SNTG2: variants seen among roughly 807,000 people sequenced by gnomAD.
SNTG2 encodes the protein syntrophin gamma 2.
In SNTG2, 74 loss-of-function variants were observed where a neutral mutation model predicts 70.9. The ratio of observed to expected loss-of-function variants is 1.04; its 90% CI spans 0.86 to 1.27. SNTG2 has a LOEUF of 1.27. Among genes scored for constraint, SNTG2 ranks in the 50% most tolerant of loss-of-function variants. The pLI is 0.00. For missense variants in SNTG2, 717 were observed against 690.7 expected (o/e 1.04, Z -0.43); for synonymous variants, 278 against 273.8 (o/e 1.02, Z -0.15).
At chr2:1,224,570 T>C (rs1572791256) in intron 9 of SNTG2, among the ~76,000 whole-genome samples, 2 of 152,280 alleles carry the variant, frequency 1.3e-5, no homozygotes, top group South Asian at 2.1e-4. Context: ...TCCCAAGGCC[T>C]CTCTGATGCC....
chr2:981,743 T>C (rs545367769), intron 1 of SNTG2, among the ~76,000 whole-genome samples: 3 of 152,310 alleles, frequency 2.0e-5, no homozygotes, highest in Admixed American at 1.3e-4. Context: ...CATTAATGCA[T>C]GTCCCTACAT....
chr2:1,106,545 T>A (rs1666167699), intron 4 of SNTG2, among the ~76,000 whole-genome samples: 1 of 134,948 alleles, frequency 7.4e-6, no homozygotes. Context: ...AGTGGACACG[T>A]GCTGTCACTC....
intron 1 of SNTG2, among the ~76,000 whole-genome samples, chr2:1,031,528 A>ATATATATATATATATATATATATATTTT: frequency 3.6e-4 from 21 of 59,096 alleles, no homozygotes; most frequent in Non-Finnish European, 6.3e-4. Flanking sequence ...ATATATATAT[A>ATATATATATATATATATATATATATTTT]TTTTTTTTTT....
At chr2:1,316,459 C>A in intron 16 of SNTG2, 84 bp downstream of exon 16, 1 of 527,870 alleles carries the variant, frequency 1.9e-6, no homozygotes, top group Non-Finnish European at 3.3e-6. Flanking sequence ...AAATCTCCAC[C>A]CCTCCCATGC....
intron 15 of SNTG2, among the ~76,000 whole-genome samples, chr2:1,313,577 A>T: frequency 6.6e-6 from 1 of 152,252 alleles, no homozygotes; most frequent in East Asian, 1.9e-4. Context: ...TCCATAATGG[A>T]AAAACAAGTT....
intron 14 of SNTG2, among the ~76,000 whole-genome samples, chr2:1,284,590 T>G (rs902920945): frequency 1.3e-5 from 2 of 152,214 alleles, no homozygotes; most frequent in African/African-American, 4.8e-5. Context: ...AATTGTTTTT[T>G]TAGTTTGCAT....
At chr2:1,171,343 G>A (rs1232426396) in intron 7 of SNTG2, among the ~76,000 whole-genome samples, 1 of 152,176 alleles carries the variant, frequency 6.6e-6, no homozygotes, top group Non-Finnish European at 1.5e-5. Context: ...GCTTGGATCT[G>A]CTGCCATTAG....
intron 16 of SNTG2, among the ~76,000 whole-genome samples, chr2:1,317,811 T>G (rs77098220): frequency 0.061 from 2,328 of 37,986 alleles, 989 homozygotes; most frequent in Middle Eastern, 0.28. Context: ...TGGATTTTCA[T>G]TTTTGGGATG....
chr2:1,201,520 C>A (rs1298763682), intron 8 of SNTG2, among the ~76,000 whole-genome samples: 2 of 151,680 alleles, frequency 1.3e-5, no homozygotes, highest in African/African-American at 4.8e-5. Context: ...CACATATTTT[C>A]TTCTAGGTAT....
intron 1 of SNTG2, among the ~76,000 whole-genome samples, chr2:1,058,322 T>A (rs942768923): frequency 6.6e-6 from 1 of 152,080 alleles, no homozygotes; most frequent in East Asian, 1.9e-4. Context: ...ACAGGCAGAG[T>A]AGGCATTGGA....
chr2:1,208,449 G>A (rs1558532290), intron 8 of SNTG2, among the ~76,000 whole-genome samples: 1 of 152,154 alleles, frequency 6.6e-6, no homozygotes, highest in East Asian at 1.9e-4. Flanking sequence ...CTTTGAGAAC[G>A]TGGAATGGGA....
intron 16 of SNTG2, among the ~76,000 whole-genome samples, chr2:1,332,431 G>A (rs1659583137): frequency 6.6e-6 from 1 of 152,096 alleles, no homozygotes; most frequent in African/African-American, 2.4e-5. Context: ...ATTATGTGAA[G>A]CCAGTATCAC....
chr2:1,005,844 TA>T lies in SNTG2; in HGVS notation c.72+54777del, dbSNP rs1558306179. Among the ~76,000 whole-genome samples the T allele has an allele frequency of 2.0e-3, 42 of 21,146 alleles. 1 individual carries two copies. The highest frequency in any genetic ancestry group is 5.7e-3 in the African/African-American group (36 of 6,324). The allele number at this position is 21,146 out of a possible 152,430, so 13.9% of individuals were successfully genotyped here. On this transcript the variant is annotated intron_variant, in intron 1 of 16. Transcript: ENST00000308624. Reference sequence around the variant, plus strand: ...ATATATATATATATATATATATATATATATATATATATATATATATATATAT... The same window carrying T: ...ATATATATATATATATATATATATATTATATATATATATATATATATATAT...
rs771323211 is a variant in SNTG2, at chr2:1,193,239, C to A, written c.592-15864C>A. ...CTGAAACGGGAATGGGTGACTCCTG[C>A]CGAGCCGTGGGGAACTCCCAGAACC... is the stretch of plus-strand genomic sequence containing the variant. On this transcript the variant is annotated intron_variant, in intron 8 of 16. Coordinates refer to ENST00000308624, the MANE Select transcript of SNTG2 (RefSeq NM_018968.4). 1.4e-4 allele frequency among the ~76,000 whole-genome samples: 22 copies of A among 152,298 alleles called. No homozygotes were observed. In the South Asian group the frequency reaches 1.9e-3, roughly 13 times the overall value.
intron 9 of SNTG2, among the ~76,000 whole-genome samples, chr2:1,216,922 C>T (rs1056618553): frequency 6.6e-6 from 1 of 152,078 alleles, no homozygotes; most frequent in African/African-American, 2.4e-5. Context: ...CCCTTTCACT[C>T]CTCACTCTTC....
intron 1 of SNTG2, among the ~76,000 whole-genome samples, chr2:1,039,152 A>G (rs1661290828): frequency 6.6e-6 from 1 of 152,216 alleles, no homozygotes; most frequent in African/African-American, 2.4e-5. Context: ...TAAGGTATAT[A>G]AAGAAATGTT....
intron 1 of SNTG2, among the ~76,000 whole-genome samples, chr2:1,033,419 T>C (rs1261247185): frequency 6.6e-6 from 1 of 152,208 alleles, no homozygotes; most frequent in African/African-American, 2.4e-5. Context: ...CACAAATGCC[T>C]GTCCCTTCTT....
intron 14 of SNTG2, among the ~76,000 whole-genome samples, chr2:1,299,952 A>G (rs536139624): frequency 2.0e-5 from 3 of 147,562 alleles, no homozygotes; most frequent in African/African-American, 5.1e-5. Flanking sequence ...CTCTGAAGGC[A>G]TGCAAGAAGG....
chr2:1,299,657 T>C lies in SNTG2; in HGVS notation c.1285-8837T>C, dbSNP rs1349567733. On this transcript the variant is annotated intron_variant, in intron 14 of 16. Transcript: ENST00000308624. ...AGCATGACTTTCGGAGGGACACAAG[T>C]CATCCCTGTGAAGCAACCCACAAGA... Among the ~76,000 whole-genome samples, 4 of 152,144 alleles carry C rather than the reference T, an allele frequency of 2.6e-5. 1 individual carries two copies. The East Asian group carries it at 7.7e-4, about 29-fold the overall frequency.
Sources: gnomAD v4.1 joint callset for allele counts (sites outside exome capture counted in the v4.1 genomes callset) on GRCh38, gnomAD v4.1.1 for gene constraint, MANE v1.5 for transcripts, NCBI Gene and HGNC (gene_info 2026-07-23, HGNC 2026-07-21) for gene names.